The following CRACDL variants were observed in gnomAD, a reference collection of about 807,000 sequenced individuals.
The protein encoded by CRACDL is CRACD-like protein.
In CRACDL, 26 loss-of-function variants were observed where a neutral mutation model predicts 70.6. The observed-to-expected ratio is 0.37, with a 90% CI of 0.27 to 0.51. The LOEUF (loss-of-function observed/expected upper bound fraction) is 0.51, where lower values mean the gene tolerates loss of function less well. Ranked by LOEUF, CRACDL falls within the 20% of genes least tolerant of loss-of-function variation. The probability of loss-of-function intolerance (pLI) is 0.94; values close to 1 mark genes in which losing one functional copy is unlikely to be tolerated. For missense variants in CRACDL, 1,283 were observed against 1,376.9 expected, an observed-to-expected ratio of 0.93 and a Z score of 1.08; for synonymous variants, 618 against 615.2, an observed-to-expected ratio of 1.00 and a Z score of -0.07.
chr2:98,794,958 C>T (rs1478169787), intron 9 of CRACDL, among the ~76,000 whole-genome samples: 1 of 149,726 alleles, frequency 6.7e-6, no homozygotes, highest in Non-Finnish European at 1.5e-5. Flanking sequence ...CAATGTCCCT[C>T]ACTTAAAACT....
chr2:98,841,244 T>C (rs1006222632), intron 2 of CRACDL, among the ~76,000 whole-genome samples: 3 of 152,186 alleles, frequency 2.0e-5, no homozygotes, highest in Non-Finnish European at 2.9e-5. Context: ...AACTCTTAAC[T>C]GGAACAATTA....
intron 1 of CRACDL, among the ~76,000 whole-genome samples, chr2:98,930,034 CTG>C (rs985488205): frequency 3.3e-5 from 5 of 152,256 alleles, no homozygotes; most frequent in African/African-American, 1.2e-4. Context: ...CGCTTCCCCA[CTG>C]GTGACCCAAT....
At position 98,827,481 on chromosome 2, in the gene CRACDL, A is replaced by G. The variant is rs968670624; in HGVS notation, c.541-312T>C. 6.6e-5 allele frequency among the ~76,000 whole-genome samples: 10 copies of G among 152,146 alleles called. No individual in the cohort carries two copies. In the South Asian group the frequency reaches 1.2e-3, roughly 19 times the overall value. ...TAATTTTTGTATTTTTAGTAGAGAC[A>G]GGGTTTCACCATGTTGGCCAGGCTG... On this transcript the variant is annotated intron_variant, in intron 5 of 9. Coordinates refer to ENST00000397899, the MANE Select transcript of CRACDL (RefSeq NM_207362.3).
chr2:98,839,390 T>C (rs1705924579), intron 2 of CRACDL, among the ~76,000 whole-genome samples: 1 of 152,246 alleles, frequency 6.6e-6, no homozygotes, highest in Non-Finnish European at 1.5e-5. Context: ...ATGTTGTTAG[T>C]AGATGGTTCT....
chr2:98,923,746 C>T (rs1422268253), intron 1 of CRACDL, among the ~76,000 whole-genome samples: 2 of 152,192 alleles, frequency 1.3e-5, no homozygotes, highest in East Asian at 1.9e-4. Context: ...TGCTGATATG[C>T]ATTTTTCCTA....
intron 1 of CRACDL, among the ~76,000 whole-genome samples, chr2:98,903,501 G>A (rs1708333855): frequency 1.3e-5 from 2 of 152,164 alleles, no homozygotes; most frequent in Non-Finnish European, 2.9e-5. Flanking sequence ...GTTTCTCAGT[G>A]AGGCATAAGA....
intron 5 of CRACDL, among the ~76,000 whole-genome samples, chr2:98,830,415 A>G (rs1411987954): frequency 1.3e-5 from 2 of 152,204 alleles, no homozygotes; most frequent in Non-Finnish European, 2.9e-5. Flanking sequence ...TCTGCAGCCC[A>G]TACTTTTGGG....
chr2:98,836,711 A>G (rs903956529), intron 3 of CRACDL, among the ~76,000 whole-genome samples: 1 of 152,136 alleles, frequency 6.6e-6, no homozygotes, highest in African/African-American at 2.4e-5. Flanking sequence ...TGGGGCTTGC[A>G]AAGTGATGAC....
chr2:98,797,377 C>G lies in CRACDL; in HGVS notation c.2577G>C (p.Lys859Asn), dbSNP rs773519140. The G allele has an allele frequency of 3.3e-5, 53 of 1,614,078 alleles. No homozygotes were observed. Among genetic ancestry groups the G allele is most frequent in the Non-Finnish European group, 4.2e-5 (49 of 1,180,052 alleles). The change falls in exon 8 of 10, where the codon AAG becomes AAC. Residue 859 changes from lysine to asparagine, a missense_variant. Lys to Asn is a moderately conservative substitution (Grantham distance 94). Transcript: ENST00000397899. Reference protein sequence around the residue: ...GARTLKSEPGKQAKVPERGQE... With the variant: ...GARTLKSEPGNQAKVPERGQE... The stretch of plus-strand genomic sequence containing the variant: ...GGCCTCTCTCGGGCACCTTGGCTTG[C>G]TTTCCTGGTTCAGACTTCAGGGTCC...
intron 1 of CRACDL, among the ~76,000 whole-genome samples, chr2:98,932,938 G>A (rs1315653237): frequency 4.6e-5 from 7 of 152,154 alleles, no homozygotes; most frequent in Admixed American, 2.0e-4. Flanking sequence ...AGCACCTACC[G>A]CTGTGCACCC....
At chr2:98,922,156 C>G (rs1290672597) in intron 1 of CRACDL, among the ~76,000 whole-genome samples, 2 of 152,008 alleles carry the variant, frequency 1.3e-5, no homozygotes, top group African/African-American at 4.8e-5. Context: ...ATTAAAATAG[C>G]CGGGCACGGT....
At chr2:98,831,757 C>G (rs756355399) in intron 5 of CRACDL, among the ~76,000 whole-genome samples, 26 of 152,144 alleles carry the variant, frequency 1.7e-4, no homozygotes, top group Non-Finnish European at 3.4e-4. Flanking sequence ...TTCCTCGGGG[C>G]CCCCCTCTTG....
chr2:98,882,388 T>A (rs1707675836), intron 1 of CRACDL, among the ~76,000 whole-genome samples: 1 of 152,064 alleles, frequency 6.6e-6, no homozygotes, highest in Non-Finnish European at 1.5e-5. Flanking sequence ...CTGGCAAGAG[T>A]GGCTGTTTCA....
intron 1 of CRACDL, among the ~76,000 whole-genome samples, chr2:98,906,919 C>T (rs1362710239): frequency 6.6e-6 from 1 of 152,090 alleles, no homozygotes; most frequent in Non-Finnish European, 1.5e-5. Context: ...CAGTCTTATT[C>T]CTAATGTATG....
chr2:98,923,894 C>T lies in CRACDL; in HGVS notation c.-11+12044G>A, dbSNP rs113567100. 6.3e-3 allele frequency among the ~76,000 whole-genome samples: 957 copies of T among 152,298 alleles called. 10 individuals carry two copies. Among genetic ancestry groups the T allele is most frequent in the African/African-American group, 0.022 (899 of 41,564 alleles). ...AATTTCCAGCCTTTACAAAAGCAAA[C>T]ACCATGGCAGGCCATCCTGGATATT... On this transcript the variant is annotated intron_variant, in intron 1 of 9. Coordinates refer to ENST00000397899, the MANE Select transcript of CRACDL (RefSeq NM_207362.3).
At position 98,829,172 on chromosome 2, in the gene CRACDL, G is replaced by A. The variant is rs186923895; in HGVS notation, c.541-2003C>T. 3.7e-4 allele frequency among the ~76,000 whole-genome samples: 57 copies of A among 152,348 alleles called. No homozygotes were observed. In the Middle Eastern group the frequency reaches 0.014, roughly 36 times the overall value. ...TAGAATAAAGCCCAATACCCTGAAG[G>A]CTCTGAAGGATGCACAGCAGGACCT... On this transcript the variant is annotated intron_variant, in intron 5 of 9. Transcript: ENST00000397899.
At chr2:98,849,873 C>T (rs1706411324) in intron 1 of CRACDL, among the ~76,000 whole-genome samples, 1 of 152,172 alleles carries the variant, frequency 6.6e-6, no homozygotes, top group South Asian at 2.1e-4. Context: ...CCCGGGGTGG[C>T]ATCTTCACCC....
chr2:98,893,295 T>A (rs1357398797), intron 1 of CRACDL, among the ~76,000 whole-genome samples: 14 of 105,708 alleles, frequency 1.3e-4, no homozygotes, highest in Non-Finnish European at 1.8e-4. Flanking sequence ...GAACCCTATT[T>A]TTTTTTTTAG....
chr2:98,831,290 G>C (rs1356649795), intron 5 of CRACDL, among the ~76,000 whole-genome samples: 1 of 152,156 alleles, frequency 6.6e-6, no homozygotes, highest in Non-Finnish European at 1.5e-5. Flanking sequence ...CAGTCCTTTT[G>C]CCTTTTTCAT....
Sources: gnomAD v4.1 joint callset for allele counts (sites outside exome capture counted in the v4.1 genomes callset) on GRCh38, gnomAD v4.1.1 for gene constraint, MANE v1.5 for transcripts, NCBI Gene and HGNC (gene_info 2026-07-23, HGNC 2026-07-21) for gene names.